Variants in EIF2AK4 observed in about 807,000 individuals in gnomAD.
EIF2AK4 encodes the protein eukaryotic translation initiation factor 2 alpha kinase 4, also known as eIF-2-alpha kinase GCN2.
Under a neutral mutation model 211.1 loss-of-function variants are expected in EIF2AK4, and 139 were observed. The ratio of observed to expected loss-of-function variants is 0.66; its 90% CI spans 0.57 to 0.76. The LOEUF (loss-of-function observed/expected upper bound fraction) is 0.76, where lower values mean the gene tolerates loss of function less well. EIF2AK4 is among the 30% of genes least tolerant of loss of function. The pLI is 0.00. For synonymous variants in EIF2AK4, 710 were observed against 751.3 expected (o/e 0.94, Z 0.90); for missense variants, 1,664 against 2,043.8 (o/e 0.81, Z 3.58).
At position 40,025,851 on chromosome 15, in the gene EIF2AK4, C is replaced by T. The variant is rs1040866732; in HGVS notation, c.4390-126C>T. On this transcript the variant is annotated intron_variant, in intron 32 of 38. Coordinates refer to ENST00000263791, the MANE Select transcript of EIF2AK4 (RefSeq NM_001013703.4). ...ACATTGCTAAATGTCCCCTGGGGAG[C>T]AAAATTGACCCTGGTTAAGAACCAC... The T allele has an allele frequency of 3.5e-6, 3 of 856,824 alleles. No individual in the cohort carries two copies. The African/African-American group carries it at 5.1e-5, about 15-fold the overall frequency. The allele number at this position is 856,824 out of a possible 1,614,324, so 53.1% of individuals were successfully genotyped here.
chr15:40,035,076 T>G lies in EIF2AK4; in HGVS notation c.4942T>G (p.Leu1648Val). The G allele has an allele frequency of 6.3e-7, 1 of 1,581,554 alleles. No individual in the cohort carries two copies. The highest frequency in any genetic ancestry group is 8.6e-7 in the Non-Finnish European group (1 of 1,163,640). The change falls in exon 39 of 39, where the codon TTA (leucine) becomes GTA (valine). Residue 1648 changes from leucine to valine, a missense_variant. Leu to Val is a conservative substitution (Grantham distance 32). This residue lies in a region of EIF2AK4 where 138 missense variants were observed against 165.1 expected (regional missense o/e 0.84). Coordinates refer to ENST00000263791, the MANE Select transcript of EIF2AK4 (RefSeq NM_001013703.4). ...CTATAGAGATGACTACTACAGAATC[T>G]TATTTTAACCCTAAAGAACTGTCGT... Reference protein sequence around the residue: ...YSYRDDYYRILF With the variant: ...YSYRDDYYRIVF
intron 27 of EIF2AK4, among the ~76,000 whole-genome samples, chr15:40,012,537 T>A (rs1467882815): frequency 4.6e-5 from 7 of 152,206 alleles, no homozygotes; most frequent in African/African-American, 1.7e-4. Context: ...CACACACCTA[T>A]GTGCAGAAAT....
At chr15:39,978,737 C>T (rs531838674) in intron 13 of EIF2AK4, among the ~76,000 whole-genome samples, 1 of 152,238 alleles carries the variant, frequency 6.6e-6, no homozygotes, top group South Asian at 2.1e-4. Flanking sequence ...CAAAAAATCT[C>T]ATAATTTTTT....
At position 39,976,596 on chromosome 15, in the gene EIF2AK4, G is replaced by A. The variant is rs1182836924; in HGVS notation, c.2001G>A (p.Thr667=). The change falls in exon 12 of 39, where the codon ACG becomes ACA. Residue 667 remains threonine (T), a synonymous_variant. Transcript: ENST00000263791. ...ERHERPAGPG[T]PPPDSGPLAK... ...ACGAGCGGCCGGCGGGACCGGGGAC[G>A]CCGCCCCCGGACTCCGGGCCCCTGG... 2 of 1,609,236 alleles carry A rather than the reference G, an allele frequency of 1.2e-6. No individual in the cohort carries two copies. The highest frequency in any genetic ancestry group is 1.1e-5 in the South Asian group (1 of 90,744).
intron 9 of EIF2AK4, among the ~76,000 whole-genome samples, chr15:39,972,202 T>C (rs986339863): frequency 6.6e-6 from 1 of 151,652 alleles, no homozygotes; most frequent in African/African-American, 2.4e-5. Context: ...CTACAAAAAA[T>C]ATAAAAATTA....
rs1398180231 is a variant in EIF2AK4, at chr15:39,977,953, T to G, written c.2250-125T>G. 8 of 582,576 alleles carry G rather than the reference T, an allele frequency of 1.4e-5. No individual in the cohort carries two copies. In the Admixed American group the frequency reaches 2.2e-4, roughly 16 times the overall value. 36.1% of individuals were successfully genotyped at this position (582,576 alleles called of 1,614,324 possible). On this transcript the variant is annotated intron_variant, in intron 12 of 38. Coordinates refer to ENST00000263791, the MANE Select transcript of EIF2AK4 (RefSeq NM_001013703.4). ...AATCAGCACAGTGTAGAGTATACAT[T>G]GATGCCTGTGGGCTCATGGTGTGAT...
rs764926049 is a variant in EIF2AK4 at position 40,035,108 on chromosome 15, C to T, written c.*24C>T. On this transcript the variant is annotated 3_prime_UTR_variant, in exon 39 of 39. Transcript: ENST00000263791. ...AACCCTAAAGAACTGTCGTTAACCT[C>T]ATTCAAACAGACAGAGGCTTATACT... 14 of 1,496,682 alleles carry T rather than the reference C, an allele frequency of 9.4e-6. No homozygotes were observed. The South Asian group carries it at 1.4e-4, about 15-fold the overall frequency. The allele number at this position is 1,496,682 out of a possible 1,614,324, so 92.7% of individuals were successfully genotyped here. A position where few individuals can be genotyped will look rare whatever the true frequency, so the allele number is the denominator to read the frequency against.
At chr15:39,968,210 G>C (rs529545767) in intron 9 of EIF2AK4, among the ~76,000 whole-genome samples, 26 of 152,320 alleles carry the variant, frequency 1.7e-4, no homozygotes, top group African/African-American at 6.0e-4. Flanking sequence ...CTTTGCTCTG[G>C]TTCCTAAAGG....
At chr15:39,939,777 C>T (rs2034119113) in intron 2 of EIF2AK4, among the ~76,000 whole-genome samples, 160 bp downstream of exon 2, 1 of 152,200 alleles carries the variant, frequency 6.6e-6, no homozygotes, top group Admixed American at 6.5e-5. Context: ...TAGATGTTTT[C>T]ATGAAACCTG....
At chr15:39,936,400 G>C (rs1259660930) in intron 1 of EIF2AK4, among the ~76,000 whole-genome samples, 1 of 152,078 alleles carries the variant, frequency 6.6e-6, no homozygotes, top group Admixed American at 6.5e-5. Flanking sequence ...AGTGATGCAG[G>C]TCCAAAATCC....
At chr15:39,935,465 G>A (rs1595537766) in intron 1 of EIF2AK4, among the ~76,000 whole-genome samples, 1 of 152,022 alleles carries the variant, frequency 6.6e-6, no homozygotes, top group Non-Finnish European at 1.5e-5. Context: ...AAGTACCTGG[G>A]ACTACAGGCA....
At chr15:40,031,106 G>T (rs2035536781) in intron 35 of EIF2AK4, among the ~76,000 whole-genome samples, 1 of 152,144 alleles carries the variant, frequency 6.6e-6, no homozygotes, top group Non-Finnish European at 1.5e-5. Context: ...CAAGCGTGGT[G>T]GCAAACGCCT....
intron 23 of EIF2AK4, among the ~76,000 whole-genome samples, chr15:40,006,659 G>A (rs187181720): frequency 6.6e-6 from 1 of 152,216 alleles, no homozygotes; most frequent in African/African-American, 2.4e-5. Flanking sequence ...CTATAAAAGT[G>A]ACATTTTTTT....
chr15:39,976,462 A>G lies in EIF2AK4; in HGVS notation c.1867A>G (p.Ile623Val), dbSNP rs2034693378. The G allele has an allele frequency of 1.2e-6, 2 of 1,610,578 alleles. No homozygotes were observed. The highest frequency in any genetic ancestry group is 2.2e-5 in the South Asian group (2 of 90,428). Reference protein sequence around the residue: ...GCCYAVKRIPINPASRQFRRI... With the variant: ...GCCYAVKRIPVNPASRQFRRI... ...CTGCTACGCAGTGAAGCGCATCCCCATCAACCCGGCCAGCCGGCAGTTCCG... is the reference window on the plus strand; with the variant it reads ...CTGCTACGCAGTGAAGCGCATCCCCGTCAACCCGGCCAGCCGGCAGTTCCG... Residue 623 changes from isoleucine (I) to valine (V), a missense_variant, in exon 12 of 39, where the codon ATC (isoleucine) becomes GTC (valine). Ile to Val is a conservative substitution (Grantham distance 29). Coordinates refer to ENST00000263791, the MANE Select transcript of EIF2AK4 (RefSeq NM_001013703.4).
At position 39,934,974 on chromosome 15, in the gene EIF2AK4, T is replaced by C. The variant is rs1387074594; in HGVS notation, c.144+635T>C. On this transcript the variant is annotated intron_variant, in intron 1 of 38. Coordinates refer to ENST00000263791, the MANE Select transcript of EIF2AK4 (RefSeq NM_001013703.4). ...TTCTAGACTGAGTCTAGAGAAGGAG[T>C]GTCCAATCTTTTGGCTTCCCTGGGC... 2.6e-5 allele frequency among the ~76,000 whole-genome samples: 4 copies of C among 151,884 alleles called. No individual in the cohort carries two copies. In the East Asian group the frequency reaches 5.8e-4, roughly 22 times the overall value.
intron 31 of EIF2AK4, chr15:40,021,733 T>C (rs1330887504): frequency 2.0e-5 from 3 of 152,276 alleles, no homozygotes; most frequent in Non-Finnish European, 4.4e-5. Flanking sequence ...AAGCAGACCA[T>C]AGAAGGGGTG....
At chr15:39,988,816 C>T (rs888118183) in intron 15 of EIF2AK4, among the ~76,000 whole-genome samples, 3 of 152,302 alleles carry the variant, frequency 2.0e-5, no homozygotes, top group African/African-American at 7.2e-5. Flanking sequence ...GACTGGTCAA[C>T]ATGGTGAAAC....
chr15:40,032,351 T>G, intron 36 of EIF2AK4, 114 bp downstream of exon 36: 1 of 834,278 alleles, frequency 1.2e-6, no homozygotes, highest in Non-Finnish European at 2.0e-6. Context: ...ATGCAGGCCT[T>G]ATTGTGATGT....
At position 40,030,347 on chromosome 15, in the gene EIF2AK4, T is replaced by G. The variant is rs7165452; in HGVS notation, c.4562-12T>G. 2.5e-3 allele frequency: 4,038 copies of G among 1,613,372 alleles called. 101 individuals are homozygous for G. The African/African-American group carries it at 0.049, about 20-fold the overall frequency. On this transcript the variant is annotated splice_polypyrimidine_tract_variant and intron_variant, in intron 34 of 38. Coordinates refer to ENST00000263791, the MANE Select transcript of EIF2AK4 (RefSeq NM_001013703.4). ...GATAAGGCCATAAATTCTGAAACTCTCTTGGTCTCAGGTTTGTTTGAAATC... is the reference window on the plus strand; with the variant it reads ...GATAAGGCCATAAATTCTGAAACTCGCTTGGTCTCAGGTTTGTTTGAAATC...
Sources: allele counts gnomAD v4.1 joint callset (sites outside exome capture counted in the v4.1 genomes callset), GRCh38; gene constraint gnomAD v4.1.1; regional missense constraint gnomAD v4.1.1; transcripts MANE v1.5; gene names NCBI Gene and HGNC (gene_info 2026-07-23, HGNC 2026-07-21).